The following XKR6 variants were observed in gnomAD, a reference collection of about 807,000 sequenced individuals.
XKR6 encodes XK related 6.
A neutral mutation model predicts 56.7 loss-of-function variants in XKR6; 22 were observed. That is an observed-to-expected ratio of 0.39 (90% CI 0.28 to 0.55). The LOEUF is 0.55. XKR6 is among the 20% of genes least tolerant of loss of function. The pLI is 0.66. For missense variants in XKR6, 852 were observed against 889.0 expected, an observed-to-expected ratio of 0.96 and a Z score of 0.53; for synonymous variants, 524 against 387.8, an observed-to-expected ratio of 1.35 and a Z score of -4.13.
Position 11,106,863 on chromosome 8 carries a change from A to AAAAAAAAAAAAAAAAAAAAAAAAAAAAAG in XKR6, c.764+93712_764+93713insCTTTTTTTTTTTTTTTTTTTTTTTTTTTT, listed in dbSNP as rs60435831. Among the ~76,000 whole-genome samples the AAAAAAAAAAAAAAAAAAAAAAAAAAAAAG allele has an allele frequency of 1.9e-4, 21 of 109,910 alleles. 1 individual carries two copies. Among genetic ancestry groups the AAAAAAAAAAAAAAAAAAAAAAAAAAAAAG allele is most frequent in the African/African-American group, 9.3e-4 (20 of 21,620 alleles). The allele number at this position is 109,910 out of a possible 152,430, so 72.1% of individuals were successfully genotyped here. A position where few individuals can be genotyped will look rare whatever the true frequency, so the allele number is the denominator to read the frequency against. On this transcript the variant is annotated intron_variant, in intron 1 of 2. Transcript: ENST00000416569. ...GAGACTTCATCTCAAAAAAAAAAAA[A>AAAAAAAAAAAAAAAAAAAAAAAAAAAAAG]AATAAAAAAGATACAACGTTACAAA...
chr8:11,111,099 C>T (rs1458952563), intron 1 of XKR6, among the ~76,000 whole-genome samples: 1 of 151,332 alleles, frequency 6.6e-6, no homozygotes, highest in East Asian at 1.9e-4. Context: ...CGTGATCTGC[C>T]CGCCTCGGCC....
intron 1 of XKR6, among the ~76,000 whole-genome samples, chr8:10,982,666 G>C (rs1015187819): frequency 1.3e-5 from 2 of 152,194 alleles, no homozygotes; most frequent in African/African-American, 2.4e-5. Context: ...AAAGTGATGT[G>C]GGTGCAAGTC....
chr8:10,968,369 T>A (rs542458074), intron 1 of XKR6, among the ~76,000 whole-genome samples: 5 of 152,356 alleles, frequency 3.3e-5, no homozygotes, highest in South Asian at 4.1e-4. Context: ...ATCAGTAGAA[T>A]GTGTGTCTCT....
chr8:11,102,138 A>C (rs1362441584), intron 1 of XKR6, among the ~76,000 whole-genome samples: 1 of 152,180 alleles, frequency 6.6e-6, no homozygotes, highest in African/African-American at 2.4e-5. Context: ...CCTGTGGGTC[A>C]ATCCCAACTG....
Position 11,201,669 on chromosome 8 carries a change from T to C in XKR6, c.-330A>G, listed in dbSNP as rs1192923748. Among the ~76,000 whole-genome samples the C allele has an allele frequency of 1.3e-5, 2 of 152,212 alleles. No homozygotes were observed. The highest frequency in any genetic ancestry group is 2.9e-5 in the Non-Finnish European group (2 of 68,036). ...CCAGGGCTCCCCTTCCCCTCTTCCG[T>C]TGACCCCGAAACCCATCAGGTTGAC... On this transcript the variant is annotated 5_prime_UTR_variant, in exon 1 of 3. Transcript: ENST00000416569.
At chr8:10,947,829 C>T (rs1355049440) in intron 1 of XKR6, among the ~76,000 whole-genome samples, 3 of 152,288 alleles carry the variant, frequency 2.0e-5, no homozygotes, top group African/African-American at 7.2e-5. Flanking sequence ...ATTCTGGGAG[C>T]CAGGAGGGCT....
intron 1 of XKR6, among the ~76,000 whole-genome samples, chr8:10,957,037 G>A (rs1433016384): frequency 1.3e-5 from 2 of 152,084 alleles, no homozygotes; most frequent in Admixed American, 1.3e-4. Context: ...TACAACCTCT[G>A]CCTCCTGGGT....
chr8:10,960,196 A>G (rs1051519093), intron 1 of XKR6, among the ~76,000 whole-genome samples: 23 of 151,974 alleles, frequency 1.5e-4, no homozygotes, highest in Non-Finnish European at 5.9e-5. Flanking sequence ...AGGCAGGTGC[A>G]GGTACAGCAG....
intron 1 of XKR6, among the ~76,000 whole-genome samples, chr8:11,087,791 C>G (rs776268297): frequency 1.3e-5 from 2 of 152,164 alleles, no homozygotes; most frequent in Admixed American, 6.5e-5. Context: ...TGATCTCACA[C>G]GCAAAGGTCA....
intron 1 of XKR6, among the ~76,000 whole-genome samples, chr8:11,079,978 T>C (rs1797661412): frequency 1.3e-5 from 2 of 151,350 alleles, no homozygotes. Context: ...AAAAAATAAA[T>C]AAATAAATAC....
At chr8:11,158,475 G>C (rs1000364555) in intron 1 of XKR6, among the ~76,000 whole-genome samples, 1 of 152,186 alleles carries the variant, frequency 6.6e-6, no homozygotes, top group Non-Finnish European at 1.5e-5. Flanking sequence ...TTTTCACTCT[G>C]CTTCAGGAGC....
At chr8:11,176,028 C>G (rs1454735743) in intron 1 of XKR6, among the ~76,000 whole-genome samples, 1 of 152,186 alleles carries the variant, frequency 6.6e-6, no homozygotes, top group Non-Finnish European at 1.5e-5. Flanking sequence ...GCAATATACA[C>G]TACTCTGTGG....
At chr8:11,044,072 A>G (rs1799349787) in intron 1 of XKR6, among the ~76,000 whole-genome samples, 1 of 152,232 alleles carries the variant, frequency 6.6e-6, no homozygotes, top group African/African-American at 2.4e-5. Flanking sequence ...CTGTTCCACC[A>G]GCTGTAACTA....
At position 10,904,917 on chromosome 8, in the gene XKR6, G is replaced by A. The variant is rs573478858; in HGVS notation, c.962-6001C>T. On this transcript the variant is annotated intron_variant, in intron 2 of 2. Transcript: ENST00000416569. ...CCTCACCCTCTCTCTGACCGAGAGC[G>A]TCAGCTCAGCCCCACCGCTAAGTCA... 8.5e-5 allele frequency among the ~76,000 whole-genome samples: 13 copies of A among 152,284 alleles called. No individual in the cohort carries two copies. The South Asian group carries it at 2.7e-3, about 32-fold the overall frequency.
chr8:11,073,793 G>A (rs1800195194), intron 1 of XKR6, among the ~76,000 whole-genome samples: 1 of 152,146 alleles, frequency 6.6e-6, no homozygotes, highest in Non-Finnish European at 1.5e-5. Context: ...AGAGGGGCCA[G>A]TGAGAAACAA....
chr8:11,001,250 A>T (rs1798232041), intron 1 of XKR6, among the ~76,000 whole-genome samples: 4 of 152,184 alleles, frequency 2.6e-5, no homozygotes, highest in Admixed American at 2.0e-4. Flanking sequence ...AAAGCTAAAA[A>T]CTAACTTGTT....
chr8:11,133,393 C>A (rs1272078560), intron 1 of XKR6, among the ~76,000 whole-genome samples: 1 of 152,074 alleles, frequency 6.6e-6, no homozygotes, highest in Admixed American at 6.5e-5. Context: ...TCAGAGGACC[C>A]TGGGGCACAG....
chr8:10,898,101 G>T lies in XKR6; in HGVS notation c.1777C>A (p.Arg593=). ...PLIKIDMPRK[R]YPAWDAHFVD... Reference sequence around the variant, plus strand: ...AAATGAGCATCCCAAGCTGGGTATCGCTTTCTTGGCATGTCAATCTTAATG... The same window carrying T: ...AAATGAGCATCCCAAGCTGGGTATCTCTTTCTTGGCATGTCAATCTTAATG... Residue 593 remains arginine (R), a synonymous_variant, in exon 3 of 3, where the codon CGA becomes AGA. Coordinates refer to ENST00000416569, the MANE Select transcript of XKR6 (RefSeq NM_173683.4). This position sits in a 1 kb window ranked among gnomAD's most constrained non-coding sequence, Gnocchi z 6.6. 6.2e-7 allele frequency: 1 copy of T among 1,614,128 alleles called. No individual in the cohort carries two copies. Among genetic ancestry groups the T allele is most frequent in the Non-Finnish European group, 8.5e-7 (1 of 1,180,018 alleles).
intron 1 of XKR6, among the ~76,000 whole-genome samples, chr8:10,985,869 G>C (rs1486891399): frequency 1.3e-5 from 2 of 152,184 alleles, no homozygotes; most frequent in Non-Finnish European, 2.9e-5. Context: ...GACTCCCAGA[G>C]CGCTGGGATT....
Sources: gnomAD v4.1 joint callset for allele counts (sites outside exome capture counted in the v4.1 genomes callset) on GRCh38, gnomAD v4.1.1 for gene constraint, Gnocchi (gnomAD v3.1) non-coding constraint, MANE v1.5 for transcripts, NCBI Gene and HGNC (gene_info 2026-07-23, HGNC 2026-07-21) for gene names.